Variants in LRP1 observed in about 807,000 individuals in gnomAD.
The protein encoded by LRP1 is LDL receptor related protein 1.
LRP1 carries 51 observed loss-of-function variants against 541.5 expected under a neutral mutation model. The ratio of observed to expected loss-of-function variants is 0.09; its 90% CI spans 0.08 to 0.12. The LOEUF is 0.12. Ranked by LOEUF, LRP1 falls within the 10% of genes least tolerant of loss-of-function variation. The pLI is 1.00. For missense variants in LRP1, 3,878 were observed against 6,376.2 expected (o/e 0.61, Z 13.34); for synonymous variants, 2,219 against 2,470.8 (o/e 0.90, Z 3.02).
chr12:57,164,275 A>C (rs1473205722), intron 15 of LRP1, among the ~76,000 whole-genome samples: 1 of 152,242 alleles, frequency 6.6e-6, no homozygotes, highest in African/African-American at 2.4e-5. Context: ...CACTGTTACC[A>C]TTTGGGGGAA....
Position 57,206,631 on chromosome 12 carries a change from A to G in LRP1, c.11749A>G (p.Thr3917Ala). The change falls in exon 76 of 89, where the codon ACC (threonine) becomes GCC (alanine). Residue 3917 changes from threonine to alanine, a missense_variant. Around this residue, in one of 13 missense-constraint regions of LRP1, gnomAD observed 871 missense variants for 1,212.4 expected, o/e 0.72. Transcript: ENST00000243077. The surrounding 1 kb of genome is among the most constrained non-coding windows in gnomAD (Gnocchi z 4.7). The part of the protein sequence containing the change: ...VHVKAGRVYW[T>A]NWHTGTISYR... ...TGTCAAGGCTGGCCGTGTCTATTGG[A>G]CCAACTGGCACACGGGCACCATCTC... 3.7e-6 allele frequency: 6 copies of G among 1,614,088 alleles called. No individual in the cohort carries two copies. The highest frequency in any genetic ancestry group is 5.1e-6 in the Non-Finnish European group (6 of 1,180,036).
At position 57,170,834 on chromosome 12, in the gene LRP1, A is replaced by T. The variant is rs188061808; in HGVS notation, c.3163+1527A>T. 1.2e-4 allele frequency among the ~76,000 whole-genome samples: 18 copies of T among 152,084 alleles called. No individual in the cohort carries two copies. In the East Asian group the frequency reaches 2.7e-3, roughly 23 times the overall value. ...TTGTCTCAAAAGAAAAAAAAAGTTTAAAAAAAACTACAGACCAAACTCTTC... is the reference window on the plus strand; with the variant it reads ...TTGTCTCAAAAGAAAAAAAAAGTTTTAAAAAAACTACAGACCAAACTCTTC... On this transcript the variant is annotated intron_variant, in intron 20 of 88. Transcript: ENST00000243077.
At chr12:57,194,862 G>T in intron 50 of LRP1, 123 bp from the exon 51 acceptor site, 2 of 1,161,590 alleles carry the variant, frequency 1.7e-6, no homozygotes, top group Non-Finnish European at 2.5e-6. Flanking sequence ...GCCTCTAGCT[G>T]CTGCTGAGCC....
Position 57,187,804 on chromosome 12 carries a change from G to A in LRP1, c.7031+348G>A, listed in dbSNP as rs117748518. Among the ~76,000 whole-genome samples, 10 of 152,260 alleles carry A rather than the reference G, an allele frequency of 6.6e-5. No homozygotes were observed. The East Asian group carries it at 1.2e-3, about 18-fold the overall frequency. ...AAGCTTCAGGCAAAGAATGTTTGTC[G>A]AACCCTTCGTACAGAAGCCTAAGGC... On this transcript the variant is annotated intron_variant, in intron 42 of 88. Coordinates refer to ENST00000243077, the MANE Select transcript of LRP1 (RefSeq NM_002332.3).
chr12:57,138,526 GC>G lies in LRP1; in HGVS notation c.136del (p.Arg46GlyfsTer150), dbSNP rs2136655789. On this transcript the variant is annotated frameshift_variant, in exon 2 of 89. Transcript: ENST00000243077. LOFTEE classifies it high-confidence loss of function. ...DQITCISKGW[R>X]CDGERDCPDG... ...AAATAACCTGTATCTCAAAGGGCTG[GC>G]GGTGCGACGGTGAGAGGGACTGCCC... The G allele has an allele frequency of 6.2e-7, 1 of 1,614,128 alleles. No homozygotes were observed. The highest frequency in any genetic ancestry group is 8.5e-7 in the Non-Finnish European group (1 of 1,179,990).
chr12:57,205,908 CA>C lies in LRP1; in HGVS notation c.11590+232del. ...GTGGCAGTGCTCTGAATTGCACACACACCTCCTCACCCACCACTGCCAGGAC... is the reference window on the plus strand; with the variant it reads ...GTGGCAGTGCTCTGAATTGCACACACCCTCCTCACCCACCACTGCCAGGAC... On this transcript the variant is annotated intron_variant, in intron 75 of 88. Transcript: ENST00000243077. This position sits in a 1 kb window ranked among gnomAD's most constrained non-coding sequence, Gnocchi z 4.6. The C allele has an allele frequency of 1.7e-6, 1 of 598,794 alleles. No homozygotes were observed. Among genetic ancestry groups the C allele is most frequent in the Non-Finnish European group, 2.9e-6 (1 of 341,526 alleles). The allele number at this position is 598,794 out of a possible 1,614,324, so 37.1% of individuals were successfully genotyped here. A position where few individuals can be genotyped will look rare whatever the true frequency, so the allele number is the denominator to read the frequency against.
Position 57,156,769 on chromosome 12 carries a change from G to A in LRP1, c.1418-8G>A, listed in dbSNP as rs1292095351. The A allele has an allele frequency of 6.2e-7, 1 of 1,603,682 alleles. No homozygotes were observed. Among genetic ancestry groups the A allele is most frequent in the Non-Finnish European group, 8.5e-7 (1 of 1,173,208 alleles). On this transcript the variant is annotated splice_region_variant and splice_polypyrimidine_tract_variant and intron_variant, in intron 9 of 88. Coordinates refer to ENST00000243077, the MANE Select transcript of LRP1 (RefSeq NM_002332.3). This position sits in a 1 kb window ranked among gnomAD's most constrained non-coding sequence, Gnocchi z 5.2. ...AGGGGTCCTAACAGCTCTTCACCCT[G>A]CCCCCAGTGAGGAGCCATGCCTGTG...
chr12:57,147,500 G>C (rs2035436702), intron 6 of LRP1: 1 of 152,304 alleles, frequency 6.6e-6, no homozygotes, highest in African/African-American at 2.4e-5. Context: ...AAAGGCTGCA[G>C]CTTTCCCCTG....
At chr12:57,136,949 A>T (rs1185205108) in intron 1 of LRP1, among the ~76,000 whole-genome samples, 3 of 152,132 alleles carry the variant, frequency 2.0e-5, no homozygotes, top group Non-Finnish European at 4.4e-5. Context: ...CCACAATAAG[A>T]GTTAGTTGTC....
chr12:57,154,013 G>C lies in LRP1; in HGVS notation c.842-195G>C, dbSNP rs569126528. Among the ~76,000 whole-genome samples the C allele has an allele frequency of 1.9e-4, 29 of 152,220 alleles. No homozygotes were observed. The highest frequency in any genetic ancestry group is 6.7e-4 in the African/African-American group (28 of 41,542). On this transcript the variant is annotated intron_variant, in intron 6 of 88. Transcript: ENST00000243077. This position sits in a 1 kb window ranked among gnomAD's most constrained non-coding sequence, Gnocchi z 4.6. ...TTCAAGGATGGGCTAGAATTGGGAAGTCTGTCAGTCAACCAGCCAGCCAGC... is the reference window on the plus strand; with the variant it reads ...TTCAAGGATGGGCTAGAATTGGGAACTCTGTCAGTCAACCAGCCAGCCAGC...
At chr12:57,160,142 GAGA>G (rs926595007) in intron 12 of LRP1, 137 bp downstream of exon 12, 58 of 779,196 alleles carry the variant, frequency 7.4e-5, no homozygotes, top group African/African-American at 1.2e-4. Flanking sequence ...TCTGCAAGGG[GAGA>G]AGGAGTCCCT....
chr12:57,209,240 C>T (rs763538729), intron 79 of LRP1, 41 bp downstream of exon 79: 2 of 1,514,900 alleles, frequency 1.3e-6, no homozygotes, highest in East Asian at 4.5e-5. Context: ...GCCCTGTCCC[C>T]AGCCTTGCCA....
Position 57,161,110 on chromosome 12 carries a change from C to T in LRP1, c.2197C>T (p.Arg733Trp), listed in dbSNP as rs1196160540. 5.6e-6 allele frequency: 9 copies of T among 1,612,334 alleles called. No individual in the cohort carries two copies. Among genetic ancestry groups the T allele is most frequent in the African/African-American group, 1.3e-5 (1 of 74,908 alleles). Residue 733 changes from arginine to tryptophan, a missense_variant, in exon 13 of 89, where the codon CGG becomes TGG. This residue lies in a region of LRP1 where 496 missense variants were observed against 861.0 expected (regional missense o/e 0.58). Coordinates refer to ENST00000243077, the MANE Select transcript of LRP1 (RefSeq NM_002332.3). ...IETILLNGTD[R>W]KIVYEGPELN... ...GACGATACTGCTCAATGGCACAGAC[C>T]GGAAGGTGGGCAGGCATGTGCCTGT... is the stretch of plus-strand genomic sequence containing the variant.
At chr12:57,163,673 T>A (rs1592622709) in intron 15 of LRP1, among the ~76,000 whole-genome samples, 1 of 152,104 alleles carries the variant, frequency 6.6e-6, no homozygotes, top group South Asian at 2.1e-4. Context: ...GTGAGCACCA[T>A]ATATTGTTAG....
At chr12:57,180,603 G>T in intron 32 of LRP1, 64 bp from the exon 33 acceptor site, 2 of 1,608,056 alleles carry the variant, frequency 1.2e-6, no homozygotes, top group Non-Finnish European at 8.5e-7. Context: ...TAGGGCCAAT[G>T]GGCCCTTCAG....
In LRP1 at chr12:57,178,631, G is replaced by A. The variant is rs774293238; in HGVS notation, c.4606+28G>A. The A allele has an allele frequency of 9.3e-6, 15 of 1,613,078 alleles. No homozygotes were observed. Among genetic ancestry groups the A allele is most frequent in the Admixed American group, 5.0e-5 (3 of 59,972 alleles). On this transcript the variant is annotated intron_variant, in intron 27 of 88. Transcript: ENST00000243077. The surrounding 1 kb of genome is among the most constrained non-coding windows in gnomAD (Gnocchi z 5.8). ...AAGGGGCTCGGGGCCTCGAGCAGCC[G>A]GAAGGGAGCCAGCAGCCTCTTTAGA... is the stretch of plus-strand genomic sequence containing the variant.
Position 57,206,725 on chromosome 12 carries a change from G to T in LRP1, c.11843G>T (p.Gly3948Val). The change falls in exon 76 of 89, where the codon GGT (glycine) becomes GTT (valine). Residue 3948 changes from glycine to valine, a missense_variant. Physicochemically the swap from Gly to Val is moderately radical, Grantham distance 109 (BLOSUM62 -3). Around this residue, in one of 13 missense-constraint regions of LRP1, gnomAD observed 871 missense variants for 1,212.4 expected, o/e 0.72. Transcript: ENST00000243077. This position sits in a 1 kb window ranked among gnomAD's most constrained non-coding sequence, Gnocchi z 4.7. ...CGCCACCGGCGACAGATTGACCGGG[G>T]TGTCACCCACCTCAACGTGAGTGCC... is the stretch of plus-strand genomic sequence containing the variant. ...SNRHRRQIDR[G>V]VTHLNISGLK... 2 of 1,612,430 alleles carry T rather than the reference G, an allele frequency of 1.2e-6. No homozygotes were observed. The highest frequency in any genetic ancestry group is 1.1e-5 in the South Asian group (1 of 91,084).
In LRP1 at chr12:57,194,394, G is replaced by A. The variant is rs1370780574; in HGVS notation, c.7959G>A (p.Lys2653=). ...GCAGCTACTTCCGCCTGGGCGTGAA[G>A]GGCGTGCTCTTCCAGCCCTGCGAGC... ...DCSSYFRLGV[K]GVLFQPCERT... Residue 2653 remains lysine, a synonymous_variant, in exon 49 of 89, where the codon AAG becomes AAA. Coordinates refer to ENST00000243077, the MANE Select transcript of LRP1 (RefSeq NM_002332.3). 11 of 1,517,730 alleles carry A rather than the reference G, an allele frequency of 7.2e-6. No homozygotes were observed. The South Asian group carries it at 1.3e-4, about 18-fold the overall frequency. 94.0% of individuals were successfully genotyped at this position (1,517,730 alleles called of 1,614,324 possible).
chr12:57,162,755 C>G lies in LRP1; in HGVS notation c.2405-103C>G. On this transcript the variant is annotated intron_variant, in intron 14 of 88. Transcript: ENST00000243077. This position sits in a 1 kb window ranked among gnomAD's most constrained non-coding sequence, Gnocchi z 5.2. Reference sequence around the variant, plus strand: ...ATGATCTTCTTCCTCTCCATATTTCCTCTTTCTGTCCCCACATCTTAATGT... The same window carrying G: ...ATGATCTTCTTCCTCTCCATATTTCGTCTTTCTGTCCCCACATCTTAATGT... 7.5e-7 allele frequency: 1 copy of G among 1,325,584 alleles called. No individual in the cohort carries two copies. The highest frequency in any genetic ancestry group is 1.0e-6 in the Non-Finnish European group (1 of 968,088). The allele number at this position is 1,325,584 out of a possible 1,614,324, so 82.1% of individuals were successfully genotyped here.
Sources: gnomAD v4.1 joint callset for allele counts (sites outside exome capture counted in the v4.1 genomes callset) on GRCh38, gnomAD v4.1.1 for gene constraint, gnomAD v4.1.1 regional missense constraint, Gnocchi (gnomAD v3.1) non-coding constraint, MANE v1.5 for transcripts, NCBI Gene and HGNC (gene_info 2026-07-23, HGNC 2026-07-21) for gene names.